The following ZNF37A variants were observed in gnomAD, a reference collection of about 807,000 sequenced individuals.
The protein encoded by ZNF37A is zinc finger protein 37A, also known as zinc finger protein 37a (KOX 21).
A neutral mutation model predicts 12.3 loss-of-function variants in ZNF37A; 10 were observed. That is an observed-to-expected ratio of 0.82 (90% confidence interval 0.50 to 1.38). ZNF37A has a LOEUF of 1.38. Among genes scored for constraint, ZNF37A ranks in the 40% most tolerant of loss-of-function variants. The pLI, the probability that ZNF37A is intolerant of heterozygous loss-of-function variation, is 0.00. For missense variants in ZNF37A, 580 were observed against 651.2 expected, an observed-to-expected ratio of 0.89 and a Z score of 1.19; for synonymous variants, 207 against 223.0, an observed-to-expected ratio of 0.93 and a Z score of 0.64.
chr10:38,118,633 C>T lies in ZNF37A; in HGVS notation c.1482C>T (p.Pro494=). The T allele has an allele frequency of 6.2e-7, 1 of 1,612,066 alleles. No individual in the cohort carries two copies. The highest frequency in any genetic ancestry group is 1.1e-5 in the South Asian group (1 of 90,774). ...VHQRTHIRQK[P]YGCNQCGKSF... Reference sequence around the variant, plus strand: ...AGAGAACTCATATAAGACAGAAACCCTATGGATGTAATCAATGTGGAAAAT... The same window carrying T: ...AGAGAACTCATATAAGACAGAAACCTTATGGATGTAATCAATGTGGAAAAT... Residue 494 remains proline (P), a synonymous_variant, in exon 8 of 8, where the codon CCC becomes CCT. Coordinates refer to ENST00000685332, the MANE Select transcript of ZNF37A (RefSeq NM_001324250.3).
At chr10:38,129,027 C>T (rs928092087), downstream of ZNF37A, among the ~76,000 whole-genome samples, 16 of 152,088 alleles carry the variant, frequency 1.1e-4, no homozygotes, top group Admixed American at 3.9e-4. Flanking sequence ...GCTGGGGTTA[C>T]AAGCGTGAGC....
chr10:38,140,461 G>C (rs759269665), intron 7 of ZNF37A: 27 of 152,182 alleles, frequency 1.8e-4, no homozygotes, highest in Non-Finnish European at 3.4e-4. Context: ...TTATAAGTTA[G>C]AAAGGGTACA....
downstream of ZNF37A, among the ~76,000 whole-genome samples, chr10:38,127,537 G>C (rs2069945311): frequency 6.6e-6 from 1 of 152,200 alleles, no homozygotes; most frequent in South Asian, 2.1e-4. Context: ...TTCAGGTGGT[G>C]AATTTCTCTA....
chr10:38,095,255 CA>C (rs1394743037), intron 2 of ZNF37A, 31 bp downstream of exon 2: 1 of 152,274 alleles, frequency 6.6e-6, no homozygotes, highest in African/African-American at 2.4e-5. Context: ...GGCGAGGGCC[CA>C]GGGGCCCTCC....
intron 7 of ZNF37A, chr10:38,141,035 G>C (rs1380712722): frequency 1.3e-5 from 2 of 152,220 alleles, no homozygotes; most frequent in Non-Finnish European, 2.9e-5. Flanking sequence ...GATAGTGGCT[G>C]TTGGCAAGAT....
At chr10:38,107,404 C>G (rs1333693265) in intron 5 of ZNF37A, among the ~76,000 whole-genome samples, 1 of 152,122 alleles carries the variant, frequency 6.6e-6, no homozygotes, top group East Asian at 1.9e-4. Context: ...CAACAACATA[C>G]CAAATTGTAA....
chr10:38,112,753 T>TGTTGG (rs1244745793), intron 5 of ZNF37A, among the ~76,000 whole-genome samples: 2 of 63,854 alleles, frequency 3.1e-5, no homozygotes, highest in African/African-American at 5.6e-5. Context: ...TTCTTTTCTT[T>TGTTGG]TCTTTTCTTT....
chr10:38,149,919 A>G (rs1443380750), exon 8 of ZNF37A: 2 of 152,170 alleles, frequency 1.3e-5, no homozygotes, highest in Non-Finnish European at 2.9e-5. Context: ...TTCTGCACAA[A>G]ATTGTAAGTT....
intron 4 of ZNF37A, 108 bp from the exon 5 acceptor site, chr10:38,096,466 A>G: frequency 1.4e-6 from 1 of 704,736 alleles, no homozygotes; most frequent in Non-Finnish European, 2.4e-6. Flanking sequence ...ATCATGCCAG[A>G]GTCATGCATG....
intron 7 of ZNF37A, among the ~76,000 whole-genome samples, chr10:38,136,021 T>C (rs114531461): frequency 0.013 from 1,957 of 152,298 alleles, 42 homozygotes; most frequent in African/African-American, 0.045. Context: ...GCAGGGCAGG[T>C]CTATGGAAAA....
chr10:38,113,015 C>T (rs1020908277), intron 5 of ZNF37A, among the ~76,000 whole-genome samples: 1 of 151,768 alleles, frequency 6.6e-6, no homozygotes, highest in African/African-American at 2.4e-5. Context: ...ACCATGTTAG[C>T]CATGCTGGTC....
chr10:38,114,095 A>G (rs1195133837), intron 5 of ZNF37A, among the ~76,000 whole-genome samples: 3 of 152,246 alleles, frequency 2.0e-5, no homozygotes, highest in African/African-American at 7.2e-5. Flanking sequence ...TTTATGGATT[A>G]GATGAGTGAT....
In ZNF37A at chr10:38,119,137, C is replaced by A. The variant is rs899976001; in HGVS notation, c.*300C>A. The A allele has an allele frequency of 7.5e-6, 8 of 1,068,274 alleles. No individual in the cohort carries two copies. The African/African-American group carries it at 1.3e-4, about 18-fold the overall frequency. 66.2% of individuals were successfully genotyped at this position (1,068,274 alleles called of 1,614,324 possible). On this transcript the variant is annotated 3_prime_UTR_variant, in exon 8 of 8. Transcript: ENST00000685332. ...TCACACGGGGTGAAACCTGGGTCAG[C>A]ATCCCTAGGTTGAGAAGGGATGCAT...
intron 7 of ZNF37A, chr10:38,139,389 G>A (rs1343750705): frequency 6.6e-6 from 1 of 151,462 alleles, no homozygotes; most frequent in Non-Finnish European, 1.5e-5. Flanking sequence ...CTTTTTTTGA[G>A]ATGAATTCTC....
In ZNF37A at chr10:38,118,121, G is replaced by T. The variant is rs2069431318; in HGVS notation, c.970G>T (p.Glu324Ter). Reference protein sequence around the residue: ...LIKHQRIHTGERPYGCHECGK... With the variant: ...LIKHQRIHTG ...TAAACATCAAAGAATTCATACAGGG[G>T]AGAGACCTTATGGATGTCATGAATG... The change falls in exon 8 of 8, where the codon GAG (glutamate) becomes TAG (stop). Residue 324 changes from glutamate (E) to a stop codon, truncating the protein, a stop_gained. Coordinates refer to ENST00000685332, the MANE Select transcript of ZNF37A (RefSeq NM_001324250.3). LOFTEE classifies it low-confidence loss of function (END_TRUNC). 1 of 1,613,832 alleles carries T rather than the reference G, an allele frequency of 6.2e-7. No homozygotes were observed. Among genetic ancestry groups the T allele is most frequent in the Non-Finnish European group, 8.5e-7 (1 of 1,179,934 alleles).
rs549230224 is a variant in ZNF37A at position 38,121,312 on chromosome 10, T to C, written c.*2475T>C. 6.6e-6 allele frequency: 1 copy of C among 152,344 alleles called. No individual in the cohort carries two copies. The highest frequency in any genetic ancestry group is 2.4e-5 in the African/African-American group (1 of 41,584). 9.4% of individuals were successfully genotyped at this position (152,344 alleles called of 1,614,324 possible). ...AACATCTAGCCATATCCATAAACTATATCATCACCAAGAGATGTTTATTAG... is the reference window on the plus strand; with the variant it reads ...AACATCTAGCCATATCCATAAACTACATCATCACCAAGAGATGTTTATTAG... On this transcript the variant is annotated 3_prime_UTR_variant, in exon 8 of 8. Transcript: ENST00000685332.
downstream of ZNF37A, among the ~76,000 whole-genome samples, chr10:38,129,210 T>C (rs1237191986): frequency 6.7e-6 from 1 of 150,050 alleles, no homozygotes; most frequent in African/African-American, 2.5e-5. Context: ...TATTTGGTTA[T>C]ATTTTTTGGC....
At chr10:38,143,549 A>T (rs2070214265) in intron 7 of ZNF37A, 1 of 152,172 alleles carries the variant, frequency 6.6e-6, no homozygotes, top group Admixed American at 6.5e-5. Context: ...CTGATTGTGA[A>T]GTCTATGAAA....
intron 5 of ZNF37A, among the ~76,000 whole-genome samples, chr10:38,101,622 C>T (rs1264661193): frequency 1.4e-5 from 2 of 147,366 alleles, no homozygotes; most frequent in African/African-American, 5.0e-5. Flanking sequence ...ATGTTTTGCT[C>T]TTGTAACAAT....
Sources: allele counts gnomAD v4.1 joint callset (sites outside exome capture counted in the v4.1 genomes callset), GRCh38; gene constraint gnomAD v4.1.1; transcripts MANE v1.5; gene names NCBI Gene and HGNC (gene_info 2026-07-23, HGNC 2026-07-21).